The following AK2 variants were observed in gnomAD, a reference collection of about 807,000 sequenced individuals.
AK2 encodes the protein adenylate kinase 2, mitochondrial.
AK2 carries 15 observed loss-of-function variants against 24.6 expected under a neutral mutation model. The ratio of observed to expected loss-of-function variants is 0.61; its 90% CI spans 0.41 to 0.94. The LOEUF is 0.94. Ranked by LOEUF, AK2 falls within the 40% of genes least tolerant of loss-of-function variation. The pLI, the probability that AK2 is intolerant of heterozygous loss-of-function variation, is 0.00. For synonymous variants in AK2, 102 were observed against 114.0 expected (o/e 0.90, Z 0.67); for missense variants, 257 against 304.1 (o/e 0.85, Z 1.15).
rs554852692 is a variant in AK2, at chr1:33,019,055, G to A, written c.425+2312C>T. On this transcript the variant is annotated intron_variant, in intron 4 of 5. Transcript: ENST00000672715. ...ACGTCTGCTACTAGCCTCAGCGAAA[G>A]TCCAACCCATAATCATTCCGGCTTC... Among the ~76,000 whole-genome samples, 4 of 152,278 alleles carry A rather than the reference G, an allele frequency of 2.6e-5. No individual in the cohort carries two copies. In the East Asian group the frequency reaches 7.7e-4, roughly 29 times the overall value.
chr1:33,031,593 G>A, intron 1 of AK2: 1 of 456,070 alleles, frequency 2.2e-6, no homozygotes, highest in South Asian at 1.5e-5. Flanking sequence ...GAGTCATTCA[G>A]ATGCAAGCTC....
intron 2 of AK2, among the ~76,000 whole-genome samples, chr1:33,023,244 C>T (rs1198719810): frequency 6.6e-6 from 1 of 152,068 alleles, no homozygotes; most frequent in East Asian, 1.9e-4. Context: ...TTGTATTTGT[C>T]CAATCAGGTC....
chr1:33,013,304 C>A lies in AK2; in HGVS notation c.597G>T (p.Glu199Asp). The change falls in exon 6 of 6, where the codon GAG (glutamate) becomes GAT (aspartate). Residue 199 changes from glutamate (E) to aspartate (D), a missense_variant. Glu to Asp is a conservative substitution (Grantham distance 45). Coordinates refer to ENST00000672715, the MANE Select transcript of AK2 (RefSeq NM_001625.4). Reference sequence around the variant, plus strand: ...AGTGGATCCCCCGTTTCCTGTAGTACTCTATGAGTGGGGTGGTTTGAGTGT... The same window carrying A: ...AGTGGATCCCCCGTTTCCTGTAGTAATCTATGAGTGGGGTGGTTTGAGTGT... Reference protein sequence around the residue: ...AYHTQTTPLIEYYRKRGIHSA... With the variant: ...AYHTQTTPLIDYYRKRGIHSA... The A allele has an allele frequency of 6.2e-7, 1 of 1,614,130 alleles. No individual in the cohort carries two copies. The highest frequency in any genetic ancestry group is 8.5e-7 in the Non-Finnish European group (1 of 1,179,994).
rs1638580423 is a variant in AK2, at chr1:33,007,986, T to C, written c.*5195A>G. The C allele has an allele frequency of 2.2e-6, 1 of 453,496 alleles. No individual in the cohort carries two copies. The highest frequency in any genetic ancestry group is 2.0e-5 in the African/African-American group (1 of 49,912). The allele number at this position is 453,496 out of a possible 1,614,324, so 28.1% of individuals were successfully genotyped here. ...AATGAGATAATGCATGCAGAACCTCTCACACAGCTAAGAATTTAATATGTT... is the reference window on the plus strand; with the variant it reads ...AATGAGATAATGCATGCAGAACCTCCCACACAGCTAAGAATTTAATATGTT... On this transcript the variant is annotated 3_prime_UTR_variant, in exon 6 of 6. Coordinates refer to ENST00000672715, the MANE Select transcript of AK2 (RefSeq NM_001625.4).
rs1398949269 is a variant in AK2 at position 33,008,025 on chromosome 1, T to C, written c.*5156A>G. On this transcript the variant is annotated 3_prime_UTR_variant, in exon 6 of 6. Transcript: ENST00000672715. ...ATTTAATATGTTAGACTATTATTAA[T>C]TATGAAAACACATAAAGAATTCTGC... The C allele has an allele frequency of 2.2e-6, 1 of 454,118 alleles. No homozygotes were observed. Among genetic ancestry groups the C allele is most frequent in the South Asian group, 1.6e-5 (1 of 64,478 alleles). The allele number at this position is 454,118 out of a possible 1,614,324, so 28.1% of individuals were successfully genotyped here.
chr1:33,036,647 T>G, intron 1 of AK2, 89 bp downstream of exon 1: 1 of 1,276,952 alleles, frequency 7.8e-7, no homozygotes, highest in Non-Finnish European at 1.1e-6. Flanking sequence ...CCCGGCCCGC[T>G]CCGGGCAGGT....
At chr1:33,027,470 G>A (rs1197678762) in intron 1 of AK2, among the ~76,000 whole-genome samples, 3 of 152,110 alleles carry the variant, frequency 2.0e-5, no homozygotes, top group Non-Finnish European at 4.4e-5. Flanking sequence ...GGCTGGGTAT[G>A]GTGGCTCACG....
chr1:33,009,365 T>C lies in AK2; in HGVS notation c.*3816A>G, dbSNP rs1638661149. 2.2e-6 allele frequency: 1 copy of C among 453,930 alleles called. No homozygotes were observed. Among genetic ancestry groups the C allele is most frequent in the Admixed American group, 2.4e-5 (1 of 42,552 alleles). 28.1% of individuals were successfully genotyped at this position (453,930 alleles called of 1,614,324 possible). ...CACACAGAGAAGCAACAAAGAGTGT[T>C]AAAGAAGCAACTGAAAAGGTAGTCA... On this transcript the variant is annotated 3_prime_UTR_variant, in exon 6 of 6. Coordinates refer to ENST00000672715, the MANE Select transcript of AK2 (RefSeq NM_001625.4).
chr1:33,011,462 G>C lies in AK2; in HGVS notation c.*1719C>G, dbSNP rs752000037. The C allele has an allele frequency of 6.2e-6, 8 of 1,287,416 alleles. No individual in the cohort carries two copies. The highest frequency in any genetic ancestry group is 2.3e-5 in the Admixed American group (1 of 43,566). 79.7% of individuals were successfully genotyped at this position (1,287,416 alleles called of 1,614,324 possible). ...CAGACACTCACTTGGACCAGGCAAA[G>C]AGGGAAGCAAGGTGGCCAGGTACTC... On this transcript the variant is annotated 3_prime_UTR_variant, in exon 6 of 6. Transcript: ENST00000672715.
In AK2 at chr1:33,012,060, G is replaced by C. The variant is rs1279479177; in HGVS notation, c.*1121C>G. 84 of 1,535,252 alleles carry C rather than the reference G, an allele frequency of 5.5e-5. No homozygotes were observed. Among genetic ancestry groups the C allele is most frequent in the Non-Finnish European group, 7.2e-5 (82 of 1,146,696 alleles). The stretch of plus-strand genomic sequence containing the variant: ...ACACAGGCAAACATTAAAAATAAAA[G>C]CAAATAAACCTACCCTGGTCTCTTT... On this transcript the variant is annotated 3_prime_UTR_variant, in exon 6 of 6. Coordinates refer to ENST00000672715, the MANE Select transcript of AK2 (RefSeq NM_001625.4).
Position 33,008,659 on chromosome 1 carries a change from C to T in AK2, c.*4522G>A. 2.2e-6 allele frequency: 1 copy of T among 454,144 alleles called. No homozygotes were observed. Among genetic ancestry groups the T allele is most frequent in the Non-Finnish European group, 4.4e-6 (1 of 226,794 alleles). 28.1% of individuals were successfully genotyped at this position (454,144 alleles called of 1,614,324 possible). A position where few individuals can be genotyped will look rare whatever the true frequency, so the allele number is the denominator to read the frequency against. On this transcript the variant is annotated 3_prime_UTR_variant, in exon 6 of 6. Coordinates refer to ENST00000672715, the MANE Select transcript of AK2 (RefSeq NM_001625.4). ...CTTATGCATGACCTCAGGAATGCCACTTCACCTCTCTGAGTCTGGTTTCCT... is the reference window on the plus strand; with the variant it reads ...CTTATGCATGACCTCAGGAATGCCATTTCACCTCTCTGAGTCTGGTTTCCT...
rs1638601372 is a variant in AK2 at position 33,008,332 on chromosome 1, T to G, written c.*4849A>C. On this transcript the variant is annotated 3_prime_UTR_variant, in exon 6 of 6. Coordinates refer to ENST00000672715, the MANE Select transcript of AK2 (RefSeq NM_001625.4). ...TGTTGAAATCTGTCTTCTGACTCGT[T>G]GCTCTGTCTTCATCTGAGGAAAGAC... 1 of 453,972 alleles carries G rather than the reference T, an allele frequency of 2.2e-6. No individual in the cohort carries two copies. The highest frequency in any genetic ancestry group is 4.4e-6 in the Non-Finnish European group (1 of 226,780). 28.1% of individuals were successfully genotyped at this position (453,972 alleles called of 1,614,324 possible). A position where few individuals can be genotyped will look rare whatever the true frequency, so the allele number is the denominator to read the frequency against.
At position 33,010,790 on chromosome 1, in the gene AK2, G is replaced by C; in HGVS notation, c.*2391C>G. 1 of 1,614,298 alleles carries C rather than the reference G, an allele frequency of 6.2e-7. No individual in the cohort carries two copies. Among genetic ancestry groups the C allele is most frequent in the Non-Finnish European group, 8.5e-7 (1 of 1,180,058 alleles). On this transcript the variant is annotated 3_prime_UTR_variant, in exon 6 of 6. Transcript: ENST00000672715. ...CTAAGAGCAGGGATCACGCCGCGGG[G>C]TGATGAGCAGTGTTGCAGTCTCGCC...
Position 33,010,860 on chromosome 1 carries a change from A to G in AK2, c.*2321T>C. ...TGAAATAGAGAGGAAACAAGAGAGA[A>G]CAAAATGGGTTTTTAAAAACCAAGT... On this transcript the variant is annotated 3_prime_UTR_variant, in exon 6 of 6. Coordinates refer to ENST00000672715, the MANE Select transcript of AK2 (RefSeq NM_001625.4). 1.2e-6 allele frequency: 2 copies of G among 1,608,116 alleles called. No homozygotes were observed. The highest frequency in any genetic ancestry group is 1.7e-6 in the Non-Finnish European group (2 of 1,177,972).
intron 2 of AK2, chr1:33,024,147 G>A (rs1451719851): frequency 2.2e-5 from 8 of 362,852 alleles, no homozygotes; most frequent in Admixed American, 1.5e-4. Context: ...CTCCAGCCTG[G>A]GCGACAGAGC....
chr1:33,031,617 C>A (rs1030261603), intron 1 of AK2: 11 of 455,914 alleles, frequency 2.4e-5, no homozygotes, highest in African/African-American at 2.2e-4. Context: ...AAATTACTTG[C>A]TATGTAGCCT....
rs1381346083 is a variant in AK2, at chr1:33,012,043, A to G, written c.*1138T>C. ...TTTGTTCACACTTGGAAACACAGGC[A>G]AACATTAAAAATAAAAGCAAATAAA... On this transcript the variant is annotated 3_prime_UTR_variant, in exon 6 of 6. Coordinates refer to ENST00000672715, the MANE Select transcript of AK2 (RefSeq NM_001625.4). 1.0e-5 allele frequency: 16 copies of G among 1,535,306 alleles called. No homozygotes were observed. Among genetic ancestry groups the G allele is most frequent in the African/African-American group, 4.1e-5 (3 of 73,046 alleles).
chr1:33,030,585 T>G (rs550800674), intron 1 of AK2, among the ~76,000 whole-genome samples: 51 of 152,262 alleles, frequency 3.3e-4, no homozygotes, highest in African/African-American at 1.2e-3. Flanking sequence ...AACTACCCCT[T>G]CTTCCGCTGA....
rs1232873957 is a variant in AK2, at chr1:33,009,949, G to C, written c.*3232C>G. The C allele has an allele frequency of 2.2e-6, 1 of 454,486 alleles. No homozygotes were observed. The highest frequency in any genetic ancestry group is 2.0e-5 in the African/African-American group (1 of 50,016). The allele number at this position is 454,486 out of a possible 1,614,324, so 28.2% of individuals were successfully genotyped here. ...AATTTTAACATATTTTATTGATTTA[G>C]GGGCCAAACAAGGCAGCATTTGGTC... On this transcript the variant is annotated 3_prime_UTR_variant, in exon 6 of 6. Coordinates refer to ENST00000672715, the MANE Select transcript of AK2 (RefSeq NM_001625.4).
Sources: allele counts gnomAD v4.1 joint callset (sites outside exome capture counted in the v4.1 genomes callset), GRCh38; gene constraint gnomAD v4.1.1; transcripts MANE v1.5; gene names NCBI Gene and HGNC (gene_info 2026-07-23, HGNC 2026-07-21).